The following BNC2 variants were observed in gnomAD, a reference collection of about 807,000 sequenced individuals.
BNC2 encodes the protein zinc finger protein basonuclin-2.
BNC2 carries 20 observed loss-of-function variants against 76.3 expected under a neutral mutation model. The ratio of observed to expected loss-of-function variants is 0.26; its 90% CI spans 0.18 to 0.38. The LOEUF (loss-of-function observed/expected upper bound fraction) is 0.38. Among genes scored for constraint, BNC2 ranks in the 10% least tolerant of loss-of-function variants. The probability of loss-of-function intolerance (pLI) is 1.00; values close to 1 mark genes in which losing one functional copy is unlikely to be tolerated. For missense variants in BNC2, 1,382 were observed against 1,399.8 expected, an observed-to-expected ratio of 0.99 and a Z score of 0.20; for synonymous variants, 582 against 514.8, an observed-to-expected ratio of 1.13 and a Z score of -1.77.
chr9:16,581,711 G>A (rs1194619757), intron 4 of BNC2, among the ~76,000 whole-genome samples: 1 of 152,126 alleles, frequency 6.6e-6, no homozygotes, highest in Non-Finnish European at 1.5e-5. Context: ...TATATGAAGA[G>A]AGACGAAATC....
At chr9:16,725,217 T>TCATACA (rs1554717038) in intron 3 of BNC2, among the ~76,000 whole-genome samples, 10 of 148,162 alleles carry the variant, frequency 6.7e-5, no homozygotes, top group Non-Finnish European at 1.5e-4. Context: ...TCTCTCTCTC[T>TCATACA]CACACACACA....
intron 1 of BNC2, among the ~76,000 whole-genome samples, chr9:16,759,496 A>G (rs935868021): frequency 1.3e-5 from 2 of 152,254 alleles, no homozygotes; most frequent in African/African-American, 4.8e-5. Flanking sequence ...AATTAACACT[A>G]TCTATATGAC....
chr9:16,629,450 T>C (rs1231359490), intron 3 of BNC2, among the ~76,000 whole-genome samples: 1 of 152,194 alleles, frequency 6.6e-6, no homozygotes, highest in Non-Finnish European at 1.5e-5. Context: ...CTTTAATGTT[T>C]GTGTGTTTGG....
rs1331058983 is a variant in BNC2, at chr9:16,709,370, T to TA, written c.330+18426dup. On this transcript the variant is annotated intron_variant, in intron 3 of 6. Transcript: ENST00000380672. ...CGTCAGAATTTACTTTATGGAAACT[T>TA]ACTTAAGTCTCTCAGCACACCCAGT... Among the ~76,000 whole-genome samples the TA allele has an allele frequency of 2.6e-5, 4 of 152,370 alleles. No homozygotes were observed. In the East Asian group the frequency reaches 7.7e-4, roughly 29 times the overall value.
At chr9:16,738,314 A>C (rs7858712) in intron 2 of BNC2, 46 bp downstream of exon 2, 2 of 1,603,966 alleles carry the variant, frequency 1.2e-6, no homozygotes, top group East Asian at 2.2e-5. Flanking sequence ...CAAAGAATGC[A>C]AGTGTGTCCA....
intron 4 of BNC2, among the ~76,000 whole-genome samples, chr9:16,564,414 G>A (rs1487433444): frequency 1.3e-5 from 2 of 152,178 alleles, no homozygotes; most frequent in African/African-American, 4.8e-5. Flanking sequence ...ATGAGGCACA[G>A]CTACAAAATG....
intron 3 of BNC2, among the ~76,000 whole-genome samples, chr9:16,678,295 T>C (rs1335157543): frequency 1.4e-5 from 2 of 141,778 alleles, no homozygotes; most frequent in Non-Finnish European, 3.1e-5. Context: ...TTTTTTTTTT[T>C]TGAGACAGAG....
intron 5 of BNC2, among the ~76,000 whole-genome samples, chr9:16,454,813 A>G (rs960138002): frequency 8.5e-5 from 13 of 152,220 alleles, no homozygotes; most frequent in Non-Finnish European, 4.4e-5. Flanking sequence ...TTTACATAAT[A>G]TACTCAGAAA....
At chr9:16,772,043 C>T (rs1025274777) in intron 1 of BNC2, among the ~76,000 whole-genome samples, 1 of 152,170 alleles carries the variant, frequency 6.6e-6, no homozygotes, top group African/African-American at 2.4e-5. Context: ...CAGCCTTAAT[C>T]TTAAAACAAA....
At chr9:16,753,214 G>T (rs568089904) in intron 1 of BNC2, among the ~76,000 whole-genome samples, 2 of 152,124 alleles carry the variant, frequency 1.3e-5, no homozygotes, top group African/African-American at 4.8e-5. Context: ...TCTTCAAAAA[G>T]ATTTTAGAGT....
At chr9:16,706,573 T>A (rs1266465597) in intron 3 of BNC2, among the ~76,000 whole-genome samples, 3 of 152,200 alleles carry the variant, frequency 2.0e-5, no homozygotes, top group Non-Finnish European at 4.4e-5. Flanking sequence ...AACATGCACA[T>A]ATAAAATAAA....
chr9:16,421,958 C>T (rs2119124300), intron 6 of BNC2, among the ~76,000 whole-genome samples: 1 of 152,330 alleles, frequency 6.6e-6, no homozygotes, highest in Middle Eastern at 3.4e-3. Flanking sequence ...TCTCACACAT[C>T]TGCAGTTACC....
intron 4 of BNC2, among the ~76,000 whole-genome samples, chr9:16,571,868 T>G (rs186356101): frequency 6.6e-6 from 1 of 152,078 alleles, no homozygotes; most frequent in Non-Finnish European, 1.5e-5. Context: ...GAACTGCTTG[T>G]CAGAGTTTCT....
intron 5 of BNC2, among the ~76,000 whole-genome samples, chr9:16,508,821 C>CTTTT (rs386414529): frequency 0.059 from 8,521 of 143,318 alleles, 467 homozygotes; most frequent in East Asian, 0.27. Flanking sequence ...TTTTGCACAT[C>CTTTT]TTTTTTTTTT....
intron 3 of BNC2, among the ~76,000 whole-genome samples, chr9:16,631,910 G>C (rs1014534953): frequency 3.9e-5 from 6 of 152,142 alleles, no homozygotes; most frequent in Non-Finnish European, 5.9e-5. Context: ...ATAAGGACTA[G>C]GGAGAACAAC....
intron 1 of BNC2, among the ~76,000 whole-genome samples, chr9:16,757,927 A>C (rs1159229630): frequency 2.0e-5 from 3 of 152,216 alleles, no homozygotes; most frequent in Non-Finnish European, 4.4e-5. Context: ...AAGGTATATT[A>C]GTTTTCTATG....
intron 3 of BNC2, among the ~76,000 whole-genome samples, chr9:16,656,198 T>C (rs2133995616): frequency 6.6e-6 from 1 of 152,246 alleles, no homozygotes; most frequent in African/African-American, 2.4e-5. Context: ...ACCCTGTGTG[T>C]AGGTGCTCAG....
chr9:16,446,760 GTT>G (rs925307344), intron 5 of BNC2, among the ~76,000 whole-genome samples: 6 of 149,152 alleles, frequency 4.0e-5, no homozygotes, highest in Admixed American at 2.7e-4. Context: ...TCTATACAGC[GTT>G]TTTATTTTAA....
intron 4 of BNC2, among the ~76,000 whole-genome samples, chr9:16,573,700 G>A (rs1350439406): frequency 6.6e-6 from 1 of 152,186 alleles, no homozygotes; most frequent in Admixed American, 6.5e-5. Context: ...TGAACGAAGA[G>A]AGGAATCTCA....
Sources: gnomAD v4.1 joint callset for allele counts (sites outside exome capture counted in the v4.1 genomes callset) on GRCh38, gnomAD v4.1.1 for gene constraint, MANE v1.5 for transcripts, NCBI Gene and HGNC (gene_info 2026-07-23, HGNC 2026-07-21) for gene names.